SETBP1: variants seen among roughly 807,000 people sequenced by gnomAD.
The protein encoded by SETBP1 is SET binding protein 1, also known as SET-binding protein.
Under a neutral mutation model 101.0 loss-of-function variants are expected in SETBP1, and 9 were observed. The ratio of observed to expected loss-of-function variants is 0.09; its 90% CI spans 0.05 to 0.16. The LOEUF (loss-of-function observed/expected upper bound fraction) is 0.16. SETBP1 is among the 10% of genes least tolerant of loss of function. The pLI is 1.00. For synonymous variants in SETBP1, 818 were observed against 788.5 expected (o/e 1.04, Z -0.63); for missense variants, 1,858 against 2,033.8 (o/e 0.91, Z 1.66).
intron 3 of SETBP1, among the ~76,000 whole-genome samples, chr18:44,883,762 G>A (rs2069581753): frequency 6.6e-6 from 1 of 152,214 alleles, no homozygotes; most frequent in Non-Finnish European, 1.5e-5. Flanking sequence ...CACTGAGGCA[G>A]ATTAAGGGAA....
intron 2 of SETBP1, among the ~76,000 whole-genome samples, chr18:44,737,471 G>A (rs2069994789): frequency 6.6e-6 from 1 of 152,142 alleles, no homozygotes. Flanking sequence ...GGAGTACACT[G>A]TGCTTACTTA....
Position 44,952,049 on chromosome 18 carries a change from G to A in SETBP1, c.2709G>A (p.Glu903=), listed in dbSNP as rs767829324. The change falls in exon 4 of 6, where the codon GAG becomes GAA. Residue 903 remains glutamate (E), a synonymous_variant. Coordinates refer to ENST00000649279, the MANE Select transcript of SETBP1 (RefSeq NM_015559.3). The part of the protein sequence containing the change: ...SFDFCSLDNP[E]AIPSDTSTKN... ...ATTTCTGCTCCCTGGACAACCCGGAGGCCATTCCGTCCGACACCAGCACAA... is the reference window on the plus strand; with the variant it reads ...ATTTCTGCTCCCTGGACAACCCGGAAGCCATTCCGTCCGACACCAGCACAA... 23 of 1,614,074 alleles carry A rather than the reference G, an allele frequency of 1.4e-5. No individual in the cohort carries two copies. The highest frequency in any genetic ancestry group is 1.9e-5 in the Non-Finnish European group (22 of 1,180,016).
At chr18:44,751,437 G>C (rs578045509) in intron 2 of SETBP1, among the ~76,000 whole-genome samples, 1 of 152,320 alleles carries the variant, frequency 6.6e-6, no homozygotes, top group African/African-American at 2.4e-5. Flanking sequence ...AATTTGATTT[G>C]TGTCCATTCT....
chr18:44,945,862 T>A (rs1018656181), intron 3 of SETBP1, among the ~76,000 whole-genome samples: 1 of 152,150 alleles, frequency 6.6e-6, no homozygotes, highest in Admixed American at 6.5e-5. Context: ...CGATAAGATA[T>A]CATCTCCCCA....
chr18:45,009,126 G>T (rs866948146), intron 4 of SETBP1, among the ~76,000 whole-genome samples: 1 of 152,092 alleles, frequency 6.6e-6, no homozygotes, highest in African/African-American at 2.4e-5. Context: ...CCTCCCAGCC[G>T]CCAACTGTAC....
intron 2 of SETBP1, among the ~76,000 whole-genome samples, chr18:44,824,269 C>G (rs1438886378): frequency 6.6e-6 from 1 of 152,182 alleles, no homozygotes; most frequent in African/African-American, 2.4e-5. Context: ...CTTCCTTGAG[C>G]CCACCCAACA....
intron 4 of SETBP1, among the ~76,000 whole-genome samples, chr18:45,000,532 C>A (rs1163078520): frequency 6.6e-6 from 1 of 152,064 alleles, no homozygotes; most frequent in South Asian, 2.1e-4. Flanking sequence ...TCCTCCATCA[C>A]CACCACCAAA....
At chr18:44,861,173 G>C (rs2068998524) in intron 2 of SETBP1, among the ~76,000 whole-genome samples, 1 of 151,536 alleles carries the variant, frequency 6.6e-6, no homozygotes, top group Admixed American at 6.6e-5. Flanking sequence ...ATGAAATTCA[G>C]GGCTTCTTAG....
chr18:44,939,223 A>C lies in SETBP1; in HGVS notation c.541-10658A>C, dbSNP rs545460994. 2.6e-5 allele frequency among the ~76,000 whole-genome samples: 4 copies of C among 152,196 alleles called. No homozygotes were observed. In the East Asian group the frequency reaches 7.7e-4, roughly 29 times the overall value. On this transcript the variant is annotated intron_variant, in intron 3 of 5. Transcript: ENST00000649279. ...ACTCACTGGAAACTCCCTCATGCCC[A>C]TGCCAGCCCTTCCCAGCCCCGGTCC... is the stretch of plus-strand genomic sequence containing the variant.
chr18:44,716,772 A>G (rs1194837533), intron 2 of SETBP1, among the ~76,000 whole-genome samples: 3 of 152,122 alleles, frequency 2.0e-5, no homozygotes, highest in Non-Finnish European at 2.9e-5. Flanking sequence ...CATCTTGGCC[A>G]GGCTAGTCTT....
chr18:44,737,389 C>T (rs2069992490), intron 2 of SETBP1, among the ~76,000 whole-genome samples: 1 of 152,172 alleles, frequency 6.6e-6, no homozygotes, highest in East Asian at 1.9e-4. Context: ...GGACTGGTTT[C>T]TCCCTGGTGT....
At chr18:45,035,647 C>G (rs1468030040) in intron 4 of SETBP1, among the ~76,000 whole-genome samples, 13 of 152,222 alleles carry the variant, frequency 8.5e-5, no homozygotes. Flanking sequence ...GGCCTTCATG[C>G]CCCAAGCATA....
chr18:44,829,429 C>T (rs114412971), intron 2 of SETBP1, among the ~76,000 whole-genome samples: 111 of 152,082 alleles, frequency 7.3e-4, no homozygotes, highest in African/African-American at 2.5e-3. Flanking sequence ...AGCTGAACAA[C>T]GGAAAATACT....
At position 44,691,817 on chromosome 18, in the gene SETBP1, T is replaced by A. The variant is rs1241061229; in HGVS notation, c.-172-9358T>A. The stretch of plus-strand genomic sequence containing the variant: ...GGAGACAAGGCTCAGTACCTGGGAA[T>A]GTCAGAGCTGGAAGGGGCCACAGGG... On this transcript the variant is annotated intron_variant, in intron 1 of 5. Coordinates refer to ENST00000649279, the MANE Select transcript of SETBP1 (RefSeq NM_015559.3). Among the ~76,000 whole-genome samples, 9 of 152,270 alleles carry A rather than the reference T, an allele frequency of 5.9e-5. No individual in the cohort carries two copies. In the South Asian group the frequency reaches 1.7e-3, roughly 28 times the overall value.
rs561423464 is a variant in SETBP1 at position 44,957,229 on chromosome 18, C to T, written c.4000+3889C>T. On this transcript the variant is annotated intron_variant, in intron 4 of 5. Coordinates refer to ENST00000649279, the MANE Select transcript of SETBP1 (RefSeq NM_015559.3). ...GCATAGTCAGAATGATGCCATGTGCCCTCAAAGCCAAGTTTTCACAAGGTG... is the reference window on the plus strand; with the variant it reads ...GCATAGTCAGAATGATGCCATGTGCTCTCAAAGCCAAGTTTTCACAAGGTG... Among the ~76,000 whole-genome samples the T allele has an allele frequency of 2.6e-5, 4 of 152,170 alleles. No homozygotes were observed. In the East Asian group the frequency reaches 7.7e-4, roughly 29 times the overall value.
intron 3 of SETBP1, among the ~76,000 whole-genome samples, chr18:44,949,503 G>T (rs948130102): frequency 6.6e-6 from 1 of 152,220 alleles, no homozygotes; most frequent in African/African-American, 2.4e-5. Context: ...CATTGTTCAG[G>T]TCTCAGCTTC....
intron 1 of SETBP1, among the ~76,000 whole-genome samples, chr18:44,682,025 T>C (rs1018114099): frequency 5.9e-5 from 9 of 152,192 alleles, no homozygotes; most frequent in Admixed American, 4.6e-4. Context: ...CGTTGATTGT[T>C]TTTCTCTTAC....
intron 2 of SETBP1, among the ~76,000 whole-genome samples, chr18:44,714,299 A>T (rs2069412759): frequency 6.6e-6 from 1 of 152,022 alleles, no homozygotes; most frequent in East Asian, 1.9e-4. Context: ...CCCAGGTTCA[A>T]GTGATTCTCC....
intron 5 of SETBP1, among the ~76,000 whole-genome samples, chr18:45,060,898 A>C (rs1404205729): frequency 6.6e-6 from 1 of 152,214 alleles, no homozygotes; most frequent in Non-Finnish European, 1.5e-5. Flanking sequence ...CATCAAGCTT[A>C]ACTCGGTCAA....
Sources: gnomAD v4.1 joint callset for allele counts (sites outside exome capture counted in the v4.1 genomes callset) on GRCh38, gnomAD v4.1.1 for gene constraint, MANE v1.5 for transcripts, NCBI Gene and HGNC (gene_info 2026-07-23, HGNC 2026-07-21) for gene names.